The following TEX48 variants were observed in gnomAD, a reference collection of about 807,000 sequenced individuals.
TEX48 encodes the protein testis-expressed protein 48.
Under a neutral mutation model 13.2 loss-of-function variants are expected in TEX48, and 10 were observed. The ratio of observed to expected loss-of-function variants is 0.75; its 90% confidence interval spans 0.47 to 1.28. The LOEUF (loss-of-function observed/expected upper bound fraction) is 1.28, where lower values mean the gene tolerates loss of function less well. Among genes scored for constraint, TEX48 ranks in the 50% most tolerant of loss-of-function variants. TEX48 has a pLI of 0.00. For synonymous variants in TEX48, 45 were observed against 52.3 expected (o/e 0.86, Z 0.60); for missense variants, 116 against 139.4 (o/e 0.83, Z 0.84).
chr9:114,680,452 C>A (rs116778572), intron 1 of TEX48, among the ~76,000 whole-genome samples: 131 of 152,252 alleles, frequency 8.6e-4, no homozygotes, highest in African/African-American at 3.1e-3. Flanking sequence ...TTGCATCATT[C>A]AGGTTCTGTT....
At chr9:114,673,445 T>A (rs537574067) in intron 1 of TEX48, among the ~76,000 whole-genome samples, 25 of 122,770 alleles carry the variant, frequency 2.0e-4, no homozygotes, top group Non-Finnish European at 3.7e-4. Context: ...CACTCCAGCC[T>A]GGGCAAGAAG....
chr9:114,667,177 C>T (rs1402186851), intron 4 of TEX48, among the ~76,000 whole-genome samples: 2 of 152,132 alleles, frequency 1.3e-5, no homozygotes, highest in Admixed American at 6.5e-5. Context: ...CAGAGCTGTT[C>T]CTCTTTGATC....
At chr9:114,681,412 T>C (rs1828198568) in intron 1 of TEX48, among the ~76,000 whole-genome samples, 1 of 152,196 alleles carries the variant, frequency 6.6e-6, no homozygotes, top group Non-Finnish European at 1.5e-5. Flanking sequence ...GCACATTCTC[T>C]GGGGGTATAA....
intron 3 of TEX48, among the ~76,000 whole-genome samples, chr9:114,669,716 A>C (rs10117179): frequency 0.59 from 89,939 of 151,766 alleles, 26,767 homozygotes; most frequent in Admixed American, 0.67. Flanking sequence ...GCTGGGATTA[A>C]AGACATGAAC....
chr9:114,674,584 T>C lies in TEX48; in HGVS notation c.-104-2757A>G, dbSNP rs80239858. Among the ~76,000 whole-genome samples, 138 of 132,550 alleles carry C rather than the reference T, an allele frequency of 1.0e-3. 2 individuals are homozygous for C. Among genetic ancestry groups the C allele is most frequent in the African/African-American group, 3.1e-3 (111 of 35,902 alleles). 87.0% of individuals were successfully genotyped at this position (132,550 alleles called of 152,430 possible). ...TTCTTTTTTTCTTTTCTTTCTTTTT[T>C]TCTCTTTTCTCTTTTTCTTTCCTTC... On this transcript the variant is annotated intron_variant, in intron 1 of 4. Coordinates refer to ENST00000436752, the MANE Select transcript of TEX48 (RefSeq NM_001199233.2).
rs564386939 is a variant in TEX48, at chr9:114,681,238, AC to A, written c.-105+796del. On this transcript the variant is annotated intron_variant, in intron 1 of 4. Coordinates refer to ENST00000436752, the MANE Select transcript of TEX48 (RefSeq NM_001199233.2). ...CGATCTGAAGCGCAGGTTTGTTGAC[AC>A]CCCGTGCTGATGCTCTCTCCACATC... 2.8e-4 allele frequency among the ~76,000 whole-genome samples: 42 copies of A among 152,248 alleles called. No homozygotes were observed. In the South Asian group the frequency reaches 5.6e-3, roughly 20 times the overall value.
intron 1 of TEX48, among the ~76,000 whole-genome samples, chr9:114,673,743 A>C (rs772333429): frequency 2.0e-5 from 3 of 152,152 alleles, no homozygotes; most frequent in Non-Finnish European, 4.4e-5. Context: ...TACCAGATGG[A>C]AATTCACATT....
intron 1 of TEX48, among the ~76,000 whole-genome samples, chr9:114,675,008 G>A (rs1044031297): frequency 1.3e-5 from 2 of 151,948 alleles, no homozygotes; most frequent in African/African-American, 4.8e-5. Flanking sequence ...CTAAATTACT[G>A]TGTTGAAGGT....
At position 114,672,276 on chromosome 9, in the gene TEX48, T is replaced by TG. The variant is rs2133760072; in HGVS notation, c.-104-450dup. On this transcript the variant is annotated intron_variant, in intron 1 of 4. Coordinates refer to ENST00000436752, the MANE Select transcript of TEX48 (RefSeq NM_001199233.2). ...TTGCCACTAATTTGCTGGAGGGCTT[T>TG]GGGTAGGTCCATGCTTTTTTCTGTG... Among the ~76,000 whole-genome samples, 3 of 152,294 alleles carry TG rather than the reference T, an allele frequency of 2.0e-5. No homozygotes were observed. The East Asian group carries it at 5.8e-4, about 29-fold the overall frequency.
At chr9:114,678,490 A>G (rs1216002689) in intron 1 of TEX48, among the ~76,000 whole-genome samples, 1 of 152,192 alleles carries the variant, frequency 6.6e-6, no homozygotes, top group African/African-American at 2.4e-5. Context: ...ATCCTGTGTA[A>G]TTCAGGATTC....
chr9:114,676,964 A>G (rs1489905422), intron 1 of TEX48, among the ~76,000 whole-genome samples: 2 of 152,198 alleles, frequency 1.3e-5, no homozygotes, highest in African/African-American at 4.8e-5. Context: ...TGGGCACAGA[A>G]TAGGTACTTT....
rs1053159251 is a variant in TEX48, at chr9:114,666,682, C to T, written c.324G>A (p.Glu108=). ...TGAGGCATGGCTGGAATGGCCAGTG[C>T]TCCTGGCAGTAGCGGTTTAAGTTTC... ...YKRNLNRYCQ[E]HWPFQPCLTG... Residue 108 remains glutamate, a synonymous_variant, in exon 5 of 5, where the codon GAG becomes GAA. Transcript: ENST00000436752. 6.5e-7 allele frequency: 1 copy of T among 1,535,270 alleles called. No homozygotes were observed. Among genetic ancestry groups the T allele is most frequent in the African/African-American group, 1.4e-5 (1 of 73,152 alleles).
chr9:114,675,763 T>C (rs184015186), intron 1 of TEX48, among the ~76,000 whole-genome samples: 174 of 152,356 alleles, frequency 1.1e-3, no homozygotes, highest in African/African-American at 3.7e-3. Context: ...ACCACTGTTA[T>C]TCTCTTCATC....
chr9:114,670,596 A>C (rs1289015549), intron 3 of TEX48, among the ~76,000 whole-genome samples: 4 of 152,064 alleles, frequency 2.6e-5, no homozygotes, highest in Non-Finnish European at 5.9e-5. Context: ...ACTGAAGGCC[A>C]GGGTGACTTC....
intron 3 of TEX48, among the ~76,000 whole-genome samples, chr9:114,668,911 C>A (rs1423228851): frequency 6.6e-6 from 1 of 151,648 alleles, no homozygotes; most frequent in South Asian, 2.1e-4. Flanking sequence ...ATCATAGCTC[C>A]CTGTAACCTC....
At chr9:114,675,694 C>A (rs1312388012) in intron 1 of TEX48, among the ~76,000 whole-genome samples, 2 of 152,210 alleles carry the variant, frequency 1.3e-5, no homozygotes, top group African/African-American at 4.8e-5. Flanking sequence ...TCTGCCCCAA[C>A]AACCCTCTGC....
intron 3 of TEX48, among the ~76,000 whole-genome samples, chr9:114,669,652 G>T (rs1242044250): frequency 6.6e-6 from 1 of 152,144 alleles, no homozygotes; most frequent in East Asian, 1.9e-4. Context: ...TGTTGGTCAG[G>T]CTGGTCTCAA....
At chr9:114,676,758 A>G (rs559631932) in intron 1 of TEX48, among the ~76,000 whole-genome samples, 31 of 152,120 alleles carry the variant, frequency 2.0e-4, no homozygotes, top group Non-Finnish European at 3.7e-4. Context: ...CTGGGACTAC[A>G]GGCACCTGCC....
At chr9:114,673,597 C>T (rs1827991964) in intron 1 of TEX48, among the ~76,000 whole-genome samples, 1 of 151,762 alleles carries the variant, frequency 6.6e-6, no homozygotes, top group South Asian at 2.1e-4. Context: ...AACTGTAAAC[C>T]TTTCACTTCA....
Sources: allele counts gnomAD v4.1 joint callset (sites outside exome capture counted in the v4.1 genomes callset), GRCh38; gene constraint gnomAD v4.1.1; transcripts MANE v1.5; gene names NCBI Gene and HGNC (gene_info 2026-07-23, HGNC 2026-07-21).